The following OCA2 variants were observed in gnomAD, a reference collection of about 807,000 sequenced individuals.
OCA2 encodes OCA2 melanosomal transmembrane protein, also known as P protein.
Under a neutral mutation model 100.2 loss-of-function variants are expected in OCA2, and 77 were observed. The observed-to-expected ratio is 0.77, with a 90% CI of 0.64 to 0.93. OCA2 has a LOEUF of 0.93. OCA2 is among the 40% of genes least tolerant of loss of function. The pLI is 0.00. For missense variants in OCA2, 1,062 were observed against 1,089.1 expected, an observed-to-expected ratio of 0.98 and a Z score of 0.35; for synonymous variants, 432 against 439.2, an observed-to-expected ratio of 0.98 and a Z score of 0.21.
At chr15:27,791,038 C>T (rs899678611) in intron 23 of OCA2, among the ~76,000 whole-genome samples, 2 of 152,022 alleles carry the variant, frequency 1.3e-5, no homozygotes, top group Non-Finnish European at 1.5e-5. Flanking sequence ...ATCCTCCTGC[C>T]TCTGCCTCTC....
chr15:27,881,179 T>C (rs974876147), intron 19 of OCA2, among the ~76,000 whole-genome samples: 4 of 152,180 alleles, frequency 2.6e-5, no homozygotes, highest in African/African-American at 9.7e-5. Context: ...TTTGAGTAGG[T>C]TGAACCAGCC....
intron 2 of OCA2, among the ~76,000 whole-genome samples, chr15:28,062,650 T>C (rs2043909763): frequency 1.3e-5 from 2 of 152,220 alleles, no homozygotes; most frequent in African/African-American, 4.8e-5. Context: ...CACAAAGATT[T>C]ATAACCATGT....
Position 27,767,825 on chromosome 15 carries a change from C to T in OCA2, c.2433-12353G>A, listed in dbSNP as rs572329623. Reference sequence around the variant, plus strand: ...CAGCAGAGGCAACCTACTGAGGTCCCCTTCCACACTGTGGAAGCTTTGTTC... The same window carrying T: ...CAGCAGAGGCAACCTACTGAGGTCCTCTTCCACACTGTGGAAGCTTTGTTC... On this transcript the variant is annotated intron_variant, in intron 23 of 23. Transcript: ENST00000354638. 2.6e-5 allele frequency among the ~76,000 whole-genome samples: 4 copies of T among 152,270 alleles called. No individual in the cohort carries two copies. In the South Asian group the frequency reaches 8.3e-4, roughly 32 times the overall value.
At chr15:27,744,236 G>A in the OCA2 span, among the ~76,000 whole-genome samples, 2,595 of 152,286 alleles carry the variant, frequency 0.017, 77 homozygotes, top group African/African-American at 0.06. Flanking sequence ...TGGGGCCAGC[G>A]GAGGGGGATG....
At chr15:27,746,094 C>T in the OCA2 span, among the ~76,000 whole-genome samples, 3 of 152,226 alleles carry the variant, frequency 2.0e-5, no homozygotes, top group Non-Finnish European at 2.9e-5. Flanking sequence ...AGGCCTTGGT[C>T]ACTCATATTT....
rs566453907 is a variant in OCA2, at chr15:28,097,493, C to T, written c.-22+1731G>A. On this transcript the variant is annotated intron_variant, in intron 1 of 23. Coordinates refer to ENST00000354638, the MANE Select transcript of OCA2 (RefSeq NM_000275.3). ...CAGATCCTGCCCCCTGGCCTCCAGG[C>T]TCTGGGCTTTCCTCCCCTCTGTGGT... 1.4e-3 allele frequency among the ~76,000 whole-genome samples: 217 copies of T among 152,224 alleles called. 7 individuals carry two copies. Among genetic ancestry groups the T allele is most frequent in the Non-Finnish European group, 3.4e-4 (23 of 68,038 alleles).
chr15:27,786,068 T>C (rs147022065), intron 23 of OCA2, among the ~76,000 whole-genome samples: 5 of 152,336 alleles, frequency 3.3e-5, no homozygotes, highest in Non-Finnish European at 7.4e-5. Flanking sequence ...ACATCTAACT[T>C]TGTCTTCATG....
At chr15:27,829,878 T>C (rs2034885482) in intron 23 of OCA2, among the ~76,000 whole-genome samples, 1 of 152,220 alleles carries the variant, frequency 6.6e-6, no homozygotes, top group Admixed American at 6.5e-5. Context: ...TTACTGAAAA[T>C]AGCTGATACC....
chr15:27,901,399 G>C (rs906106786), intron 19 of OCA2, among the ~76,000 whole-genome samples: 4 of 152,284 alleles, frequency 2.6e-5, no homozygotes, highest in Middle Eastern at 3.4e-3. Flanking sequence ...TGGGTGGGAG[G>C]AACAAGGTCA....
Position 27,985,083 on chromosome 15 carries a change from A to C in OCA2, c.1345T>G (p.Phe449Val). 6.2e-7 allele frequency: 1 copy of C among 1,613,984 alleles called. No homozygotes were observed. The change falls in exon 13 of 24, where the codon TTC becomes GTC. Residue 449 changes from phenylalanine to valine, a missense_variant. By Grantham distance (50) the Phe-to-Val change is conservative (BLOSUM62 -1). Transcript: ENST00000354638. Reference protein sequence around the residue: ...FLDNVTTMLLFTPVTIRLCEV... With the variant: ...FLDNVTTMLLVTPVTIRLCEV... ...GCGTACCTTATGGTCACAGGCGTGA[A>C]GAGGAGCATGGTGGTGACGTTGTCC... is the stretch of plus-strand genomic sequence containing the variant.
At chr15:27,939,301 C>G (rs577063063) in intron 18 of OCA2, among the ~76,000 whole-genome samples, 1 of 152,250 alleles carries the variant, frequency 6.6e-6, no homozygotes, top group Non-Finnish European at 1.5e-5. Context: ...GAAATGTTGG[C>G]CATGTTTATG....
intron 18 of OCA2, among the ~76,000 whole-genome samples, chr15:27,942,246 TA>T (rs2039674028): frequency 6.7e-6 from 1 of 148,636 alleles, no homozygotes; most frequent in South Asian, 2.1e-4. Context: ...ATACATACGA[TA>T]TACATAATAT....
chr15:27,847,107 C>A (rs2035565446), intron 22 of OCA2, among the ~76,000 whole-genome samples: 1 of 152,216 alleles, frequency 6.6e-6, no homozygotes, highest in African/African-American at 2.4e-5. Context: ...CATCCCCTTG[C>A]AGAAGTCCTT....
intron 23 of OCA2, among the ~76,000 whole-genome samples, chr15:27,793,655 A>G (rs997309109): frequency 6.6e-6 from 1 of 152,186 alleles, no homozygotes; most frequent in Non-Finnish European, 1.5e-5. Context: ...ACATTTATTT[A>G]TTCCATGAGT....
At chr15:27,936,987 G>A (rs563578107) in intron 18 of OCA2, among the ~76,000 whole-genome samples, 9 of 152,130 alleles carry the variant, frequency 5.9e-5, no homozygotes, top group Admixed American at 1.3e-4. Context: ...GGCCAGTGGC[G>A]GGGGAGGGGA....
intron 9 of OCA2, among the ~76,000 whole-genome samples, chr15:28,012,134 A>G (rs1487285199): frequency 1.3e-5 from 2 of 152,270 alleles, no homozygotes; most frequent in East Asian, 3.8e-4. Flanking sequence ...AGGCACATAC[A>G]GACATCACGC....
At chr15:27,743,819 C>T in the OCA2 span, among the ~76,000 whole-genome samples, 1 of 152,178 alleles carries the variant, frequency 6.6e-6, no homozygotes, top group South Asian at 2.1e-4. Context: ...TCGGCAGCCT[C>T]CTTCACCAGC....
intron 23 of OCA2, among the ~76,000 whole-genome samples, chr15:27,787,924 T>C (rs936851329): frequency 1.3e-5 from 2 of 152,088 alleles, no homozygotes; most frequent in African/African-American, 4.8e-5. Context: ...TAATAGATTA[T>C]GCTTTTATTT....
At chr15:28,025,713 G>A (rs1324466074) in intron 4 of OCA2, among the ~76,000 whole-genome samples, 3 of 152,198 alleles carry the variant, frequency 2.0e-5, no homozygotes, top group African/African-American at 4.8e-5. Context: ...CTCTCCCACC[G>A]GCTGCTCCGT....
Sources: allele counts gnomAD v4.1 joint callset (sites outside exome capture counted in the v4.1 genomes callset), GRCh38; gene constraint gnomAD v4.1.1; transcripts MANE v1.5; gene names NCBI Gene and HGNC (gene_info 2026-07-23, HGNC 2026-07-21).